Variants in SCAI observed in about 807,000 individuals in gnomAD.
SCAI encodes the protein suppressor of cancer cell invasion.
A neutral mutation model predicts 92.2 loss-of-function variants in SCAI; 24 were observed. The observed-to-expected ratio is 0.26, with a 90% CI of 0.19 to 0.37. The LOEUF (loss-of-function observed/expected upper bound fraction) is 0.37, where lower values mean the gene tolerates loss of function less well. Ranked by LOEUF, SCAI falls within the 10% of genes least tolerant of loss-of-function variation. The pLI is 1.00. For synonymous variants in SCAI, 261 were observed against 258.6 expected (o/e 1.01, Z -0.09); for missense variants, 450 against 736.2 (o/e 0.61, Z 4.50).
At chr9:125,031,262 C>T (rs2131090791) in intron 3 of SCAI, among the ~76,000 whole-genome samples, 1 of 151,452 alleles carries the variant, frequency 6.6e-6, no homozygotes, top group South Asian at 2.1e-4. Context: ...CTATTGAGGT[C>T]ACTTTTTTTT....
chr9:124,962,391 C>T (rs529922270), intron 17 of SCAI, among the ~76,000 whole-genome samples: 1 of 152,048 alleles, frequency 6.6e-6, no homozygotes, highest in African/African-American at 2.4e-5. Flanking sequence ...GAATTCTTGA[C>T]CTAAGGTGAC....
intron 5 of SCAI, among the ~76,000 whole-genome samples, chr9:125,027,164 T>C (rs12352758): frequency 0.15 from 22,902 of 152,134 alleles, 1,881 homozygotes; most frequent in Admixed American, 0.23. Flanking sequence ...CACATTATCC[T>C]CATTCTTTGA....
At chr9:125,101,902 G>GT (rs1328466769) in intron 2 of SCAI, among the ~76,000 whole-genome samples, 2 of 152,188 alleles carry the variant, frequency 1.3e-5, no homozygotes, top group Non-Finnish European at 2.9e-5. Flanking sequence ...AACATATACT[G>GT]TGACTTTCCA....
At chr9:125,126,507 A>T (rs1458983697) in intron 2 of SCAI, among the ~76,000 whole-genome samples, 3 of 145,262 alleles carry the variant, frequency 2.1e-5, no homozygotes, top group African/African-American at 5.2e-5. Context: ...CAGTTTTTTT[A>T]AAACCCAATC....
intron 2 of SCAI, among the ~76,000 whole-genome samples, chr9:125,064,113 A>T (rs1588190738): frequency 6.6e-6 from 1 of 152,200 alleles, no homozygotes; most frequent in East Asian, 1.9e-4. Flanking sequence ...ATATATAAAT[A>T]AAAACGGATA....
At position 125,093,307 on chromosome 9, in the gene SCAI, G is replaced by A. The variant is rs1834477882; in HGVS notation, c.99-37300C>T. Among the ~76,000 whole-genome samples the A allele has an allele frequency of 2.6e-5, 4 of 152,058 alleles. No homozygotes were observed. In the South Asian group the frequency reaches 8.3e-4, roughly 32 times the overall value. ...ACCCAGGAGGGGAAGGCTGCAGTGA[G>A]CCAAGATCATGCCACTGCACTCCAG... On this transcript the variant is annotated intron_variant, in intron 2 of 17. Coordinates refer to ENST00000336505, the MANE Select transcript of SCAI (RefSeq NM_001144877.3).
At chr9:125,075,886 T>G (rs1020141197) in intron 2 of SCAI, among the ~76,000 whole-genome samples, 1 of 151,636 alleles carries the variant, frequency 6.6e-6, no homozygotes, top group African/African-American at 2.4e-5. Flanking sequence ...TTAGTAGAGA[T>G]GAGGTTTCAC....
At chr9:125,003,359 C>A in intron 10 of SCAI, 110 bp downstream of exon 10, 1 of 1,005,596 alleles carries the variant, frequency 9.9e-7, no homozygotes, top group South Asian at 1.3e-5. Flanking sequence ...CATGTCTCAT[C>A]AAGTGAATTC....
chr9:125,069,110 C>T (rs779484202), intron 2 of SCAI, among the ~76,000 whole-genome samples: 1 of 151,592 alleles, frequency 6.6e-6, no homozygotes, highest in Non-Finnish European at 1.5e-5. Context: ...CCTAGCTACT[C>T]GGGAGGCTGA....
intron 2 of SCAI, among the ~76,000 whole-genome samples, chr9:125,111,461 A>G (rs1167137013): frequency 6.6e-6 from 1 of 152,194 alleles, no homozygotes; most frequent in Admixed American, 6.5e-5. Flanking sequence ...TGTCCAACCC[A>G]TGGCCCATGA....
At chr9:124,961,434 G>A (rs1831433038) in intron 17 of SCAI, among the ~76,000 whole-genome samples, 1 of 151,996 alleles carries the variant, frequency 6.6e-6, no homozygotes, top group Non-Finnish European at 1.5e-5. Context: ...TGGATCACCT[G>A]AGGCCAGGAG....
chr9:125,023,529 T>A (rs928843105), intron 6 of SCAI, among the ~76,000 whole-genome samples: 1 of 152,212 alleles, frequency 6.6e-6, no homozygotes, highest in African/African-American at 2.4e-5. Context: ...AAAAATAGGT[T>A]CTATGAATCT....
chr9:125,004,769 ATATATATATATTTTTTTTTTTTT>A (rs1216172235), intron 9 of SCAI, among the ~76,000 whole-genome samples: 70 of 7,922 alleles, frequency 8.8e-3, no homozygotes, highest in African/African-American at 0.025. Flanking sequence ...ATATATATAT[ATATATATATATTTTTTTTTTTTT>A]TTTTTTTTTT....
At chr9:125,133,075 A>G (rs1835436684) in intron 2 of SCAI, among the ~76,000 whole-genome samples, 1 of 152,158 alleles carries the variant, frequency 6.6e-6, no homozygotes, top group African/African-American at 2.4e-5. Context: ...GGGAGAAAAC[A>G]TAAGCAAAAC....
intron 2 of SCAI, among the ~76,000 whole-genome samples, chr9:125,130,082 A>G (rs1835366725): frequency 1.3e-5 from 2 of 151,670 alleles, no homozygotes. Context: ...TATTTTTAGT[A>G]GAGACGGGGT....
At chr9:125,078,074 T>C (rs1396979698) in intron 2 of SCAI, among the ~76,000 whole-genome samples, 1 of 152,128 alleles carries the variant, frequency 6.6e-6, no homozygotes, top group Admixed American at 6.6e-5. Flanking sequence ...TAAGAGTTCA[T>C]TACACATTCT....
At chr9:125,108,203 C>T (rs1834846890) in intron 2 of SCAI, among the ~76,000 whole-genome samples, 1 of 152,270 alleles carries the variant, frequency 6.6e-6, no homozygotes, top group South Asian at 2.1e-4. Context: ...TCCCAGCCGC[C>T]TGCCTTGGCC....
chr9:124,993,426 T>C (rs1021806018), intron 14 of SCAI, among the ~76,000 whole-genome samples: 1 of 152,142 alleles, frequency 6.6e-6, no homozygotes, highest in Non-Finnish European at 1.5e-5. Flanking sequence ...CCATCTCTGC[T>C]AAAAATACTA....
Position 125,114,555 on chromosome 9 carries a change from T to C in SCAI, c.98+28078A>G, listed in dbSNP as rs564947674. ...CAACTGTCCATATTTAGTTGACAAA[T>C]GCCCATTTTATATGACCTAGAATTT... On this transcript the variant is annotated intron_variant, in intron 2 of 17. Coordinates refer to ENST00000336505, the MANE Select transcript of SCAI (RefSeq NM_001144877.3). Among the ~76,000 whole-genome samples the C allele has an allele frequency of 6.6e-5, 10 of 152,226 alleles. No homozygotes were observed. The South Asian group carries it at 1.9e-3, about 28-fold the overall frequency.
Sources: allele counts gnomAD v4.1 joint callset (sites outside exome capture counted in the v4.1 genomes callset), GRCh38; gene constraint gnomAD v4.1.1; transcripts MANE v1.5; gene names NCBI Gene and HGNC (gene_info 2026-07-23, HGNC 2026-07-21).